The following ROBO1 variants were observed in gnomAD, a reference collection of about 807,000 sequenced individuals.
ROBO1 encodes the protein roundabout homolog 1.
Under a neutral mutation model 195.9 loss-of-function variants are expected in ROBO1, and 149 were observed. The ratio of observed to expected loss-of-function variants is 0.76; its 90% confidence interval spans 0.67 to 0.87. The LOEUF is 0.87. Among genes scored for constraint, ROBO1 ranks in the 40% least tolerant of loss-of-function variants. The pLI is 0.00. For missense variants in ROBO1, 1,933 were observed against 2,068.3 expected (o/e 0.93, Z 1.27); for synonymous variants, 816 against 733.2 (o/e 1.11, Z -1.82).
chr3:79,245,252 T>A (rs2082602968), intron 2 of ROBO1, among the ~76,000 whole-genome samples: 1 of 152,124 alleles, frequency 6.6e-6, no homozygotes, highest in Non-Finnish European at 1.5e-5. Context: ...CAGATACTCT[T>A]TAGTACTGAA....
At chr3:78,914,478 T>A (rs114176100) in intron 4 of ROBO1, among the ~76,000 whole-genome samples, 1 of 151,920 alleles carries the variant, frequency 6.6e-6, no homozygotes, top group Non-Finnish European at 1.5e-5. Context: ...TGTGTATATT[T>A]AGTATACATG....
rs373102800 is a variant in ROBO1 at position 78,889,165 on chromosome 3, G to C, written c.499+49436C>G. The stretch of plus-strand genomic sequence containing the variant: ...TGAATTCAATATGAAAATAAAATGT[G>C]TTGATGCTTTGGTAAAATATTGTTG... On this transcript the variant is annotated intron_variant, in intron 4 of 30. Coordinates refer to ENST00000464233, the MANE Select transcript of ROBO1 (RefSeq NM_002941.4). Among the ~76,000 whole-genome samples the C allele has an allele frequency of 1.1e-4, 16 of 152,272 alleles. No individual in the cohort carries two copies. In the East Asian group the frequency reaches 3.1e-3, roughly 29 times the overall value.
At chr3:79,741,975 G>A (rs1053443517) in intron 1 of ROBO1, among the ~76,000 whole-genome samples, 1 of 152,192 alleles carries the variant, frequency 6.6e-6, no homozygotes, top group Non-Finnish European at 1.5e-5. Flanking sequence ...ATATTTCTAA[G>A]CAGCAGAGTG....
intron 2 of ROBO1, among the ~76,000 whole-genome samples, chr3:79,550,195 G>GAAAGAAAGAAAGGAAAAGAAAAGAAAA: frequency 2.0e-4 from 20 of 100,838 alleles, no homozygotes; most frequent in African/African-American, 8.9e-4. Flanking sequence ...AAGAAAGAAA[G>GAAAGAAAGAAAGGAAAAGAAAAGAAAA]GAAAAGAAAA....
intron 1 of ROBO1, among the ~76,000 whole-genome samples, chr3:79,753,290 TAA>T (rs77783199): frequency 1.3e-4 from 19 of 145,588 alleles, no homozygotes; most frequent in African/African-American, 2.5e-4. Flanking sequence ...TACTGGGATT[TAA>T]AAAAAAAAAA....
intron 8 of ROBO1, among the ~76,000 whole-genome samples, chr3:78,711,567 C>A (rs1362048550): frequency 6.6e-6 from 1 of 150,594 alleles, no homozygotes; most frequent in Non-Finnish European, 1.5e-5. Flanking sequence ...CTTGCTGCAA[C>A]CTCTGTCTCG....
chr3:79,316,396 G>A (rs1179649639), intron 2 of ROBO1, among the ~76,000 whole-genome samples: 1 of 152,132 alleles, frequency 6.6e-6, no homozygotes, highest in East Asian at 1.9e-4. Context: ...ATATTTAATG[G>A]GAATGATTTT....
chr3:79,398,395 A>G (rs1300800036), intron 2 of ROBO1, among the ~76,000 whole-genome samples: 1 of 152,188 alleles, frequency 6.6e-6, no homozygotes, highest in Non-Finnish European at 1.5e-5. Flanking sequence ...TTGGACTTCC[A>G]CGTGAAATCA....
At chr3:78,760,549 T>C (rs994162169) in intron 4 of ROBO1, among the ~76,000 whole-genome samples, 4 of 152,152 alleles carry the variant, frequency 2.6e-5, no homozygotes, top group African/African-American at 7.2e-5. Flanking sequence ...ACAGCCTGTA[T>C]AGAACCTCAT....
intron 3 of ROBO1, among the ~76,000 whole-genome samples, chr3:79,042,376 A>G (rs1477524121): frequency 6.6e-6 from 1 of 152,168 alleles, no homozygotes; most frequent in Non-Finnish European, 1.5e-5. Context: ...GAGATAAGAG[A>G]AGAAGCTGAG....
At chr3:79,526,028 A>C (rs892196343) in intron 2 of ROBO1, among the ~76,000 whole-genome samples, 1 of 152,186 alleles carries the variant, frequency 6.6e-6, no homozygotes, top group Non-Finnish European at 1.5e-5. Flanking sequence ...ACCCAATGAA[A>C]TCTTAGAGAT....
At chr3:79,124,583 C>G (rs2080180199) in intron 3 of ROBO1, among the ~76,000 whole-genome samples, 2 of 152,152 alleles carry the variant, frequency 1.3e-5, no homozygotes, top group African/African-American at 4.8e-5. Context: ...ACCTCATACA[C>G]ACACAACCTA....
intron 17 of ROBO1, among the ~76,000 whole-genome samples, chr3:78,659,020 C>G (rs571670633): frequency 1.3e-5 from 2 of 152,144 alleles, no homozygotes; most frequent in African/African-American, 4.8e-5. Context: ...CTACATTCCA[C>G]AATTTAGCTT....
intron 4 of ROBO1, among the ~76,000 whole-genome samples, chr3:78,765,527 T>C (rs2083208699): frequency 6.6e-6 from 1 of 151,930 alleles, no homozygotes; most frequent in African/African-American, 2.4e-5. Flanking sequence ...TTCATGAAGA[T>C]AGTGCTTTTA....
At chr3:79,020,725 C>A (rs764463443) in intron 3 of ROBO1, among the ~76,000 whole-genome samples, 3 of 152,050 alleles carry the variant, frequency 2.0e-5, no homozygotes, top group Non-Finnish European at 4.4e-5. Context: ...AAAAGACACA[C>A]TATGTGAAAT....
chr3:79,565,712 G>T (rs1040883975), intron 2 of ROBO1, among the ~76,000 whole-genome samples: 1 of 152,022 alleles, frequency 6.6e-6, no homozygotes, highest in Non-Finnish European at 1.5e-5. Context: ...CCTAGTGAAA[G>T]CTTCACATAA....
chr3:79,560,846 G>A (rs1159793027), intron 2 of ROBO1, among the ~76,000 whole-genome samples: 2 of 152,042 alleles, frequency 1.3e-5, no homozygotes, highest in Admixed American at 1.3e-4. Flanking sequence ...ATATTAGCTT[G>A]TTATTTAAGT....
chr3:79,035,057 G>A (rs916763726), intron 3 of ROBO1, among the ~76,000 whole-genome samples: 1 of 152,050 alleles, frequency 6.6e-6, no homozygotes. Context: ...CTAGAGTTAT[G>A]TTGAAATACA....
intron 2 of ROBO1, among the ~76,000 whole-genome samples, chr3:79,539,940 C>G (rs1273650751): frequency 7.4e-5 from 1 of 13,544 alleles, no homozygotes; most frequent in African/African-American, 3.2e-3. Context: ...TATATGTGAC[C>G]CCCAAGTTGG....
Sources: allele counts gnomAD v4.1 joint callset (sites outside exome capture counted in the v4.1 genomes callset), GRCh38; gene constraint gnomAD v4.1.1; transcripts MANE v1.5; gene names NCBI Gene and HGNC (gene_info 2026-07-23, HGNC 2026-07-21).